Variants in SPON1 observed in about 807,000 individuals in gnomAD.
SPON1 encodes spondin 1.
A neutral mutation model predicts 111.7 loss-of-function variants in SPON1; 52 were observed. The observed-to-expected ratio is 0.47, with a 90% CI of 0.37 to 0.59. The LOEUF (loss-of-function observed/expected upper bound fraction) is 0.59. Among genes scored for constraint, SPON1 ranks in the 20% least tolerant of loss-of-function variants. The probability of loss-of-function intolerance (pLI) is 0.00; values close to 1 mark genes in which losing one functional copy is unlikely to be tolerated. For missense variants in SPON1, 957 were observed against 1,068.5 expected (o/e 0.90, Z 1.46); for synonymous variants, 410 against 395.8 (o/e 1.04, Z -0.43).
chr11:14,068,548 G>C (rs1471886320), intron 3 of SPON1, among the ~76,000 whole-genome samples: 1 of 152,172 alleles, frequency 6.6e-6, no homozygotes, highest in African/African-American at 2.4e-5. Context: ...AGAGAACGTT[G>C]TTTCCAAGGG....
At chr11:14,001,927 C>G (rs1220724615) in intron 2 of SPON1, among the ~76,000 whole-genome samples, 1 of 152,030 alleles carries the variant, frequency 6.6e-6, no homozygotes, top group Non-Finnish European at 1.5e-5. Flanking sequence ...ACTAAGTGAT[C>G]AATAAATGGT....
Position 14,259,199 on chromosome 11 carries a change from T to C in SPON1, c.1493-81T>C, listed in dbSNP as rs571188172. ...CTGCCTGACTCCTCTTGATTCCCGC[T>C]GGCGGGAAGTTCCCACCGCGCAGCC... On this transcript the variant is annotated intron_variant, in intron 11 of 15. Transcript: ENST00000576479. The surrounding 1 kb of genome is among the most constrained non-coding windows in gnomAD (Gnocchi z 5.0). 1 of 1,436,682 alleles carries C rather than the reference T, an allele frequency of 7.0e-7. No individual in the cohort carries two copies. Among genetic ancestry groups the C allele is most frequent in the Non-Finnish European group, 9.3e-7 (1 of 1,076,326 alleles). 89.0% of individuals were successfully genotyped at this position (1,436,682 alleles called of 1,614,324 possible). A position where few individuals can be genotyped will look rare whatever the true frequency, so the allele number is the denominator to read the frequency against.
chr11:14,053,386 G>A (rs1459737818), intron 3 of SPON1, among the ~76,000 whole-genome samples: 3 of 151,998 alleles, frequency 2.0e-5, no homozygotes. Flanking sequence ...TCATATAAAT[G>A]GAAGCATACA....
At chr11:13,988,888 G>A (rs756938738) in intron 2 of SPON1, among the ~76,000 whole-genome samples, 72 of 152,162 alleles carry the variant, frequency 4.7e-4, no homozygotes, top group Non-Finnish European at 8.8e-4. Context: ...TTGCATCCCA[G>A]GGATGAAGCT....
chr11:14,028,398 A>G (rs1412046190), intron 2 of SPON1, among the ~76,000 whole-genome samples: 3 of 152,054 alleles, frequency 2.0e-5, no homozygotes, highest in Non-Finnish European at 4.4e-5. Context: ...GCTTGAGTCC[A>G]GGAGTTCAAG....
At chr11:14,078,834 C>T (rs2618510) in intron 4 of SPON1, among the ~76,000 whole-genome samples, 103,845 of 151,992 alleles carry the variant, frequency 0.68, 36,523 homozygotes, top group East Asian at 0.85. Context: ...CTTTCATCTC[C>T]ACCCTAGAAC....
intron 6 of SPON1, among the ~76,000 whole-genome samples, chr11:14,197,626 A>T (rs1158508428): frequency 2.7e-5 from 4 of 149,336 alleles, no homozygotes; most frequent in African/African-American, 9.8e-5. Flanking sequence ...AATGCAGTGG[A>T]ACCGCACCTC....
chr11:14,101,950 A>C (rs1849147141), intron 5 of SPON1, among the ~76,000 whole-genome samples: 1 of 152,198 alleles, frequency 6.6e-6, no homozygotes, highest in African/African-American at 2.4e-5. Context: ...TTAACATTTT[A>C]CCACATTTCC....
intron 5 of SPON1, among the ~76,000 whole-genome samples, chr11:14,116,280 C>CA (rs1472371723): frequency 6.6e-6 from 1 of 152,028 alleles, no homozygotes; most frequent in Non-Finnish European, 1.5e-5. Context: ...TGATTAGCAC[C>CA]TTTTTTGCTC....
chr11:14,030,328 T>C lies in SPON1; in HGVS notation c.346-11193T>C, dbSNP rs1186998257. 3.3e-5 allele frequency among the ~76,000 whole-genome samples: 5 copies of C among 152,234 alleles called. No homozygotes were observed. The South Asian group carries it at 8.3e-4, about 25-fold the overall frequency. ...TGGCCTGCTGTCTGTGCTCCTAATATGTGAAACAACTCACATAGCATGGAG... is the reference window on the plus strand; with the variant it reads ...TGGCCTGCTGTCTGTGCTCCTAATACGTGAAACAACTCACATAGCATGGAG... On this transcript the variant is annotated intron_variant, in intron 2 of 15. Transcript: ENST00000576479.
intron 2 of SPON1, among the ~76,000 whole-genome samples, chr11:14,000,905 T>G (rs1317893689): frequency 1.3e-5 from 2 of 152,188 alleles, no homozygotes; most frequent in African/African-American, 4.8e-5. Context: ...CTTGCTGAGT[T>G]TGTTTCCTTG....
At chr11:14,155,440 A>G (rs1425797054) in intron 6 of SPON1, among the ~76,000 whole-genome samples, 1 of 152,170 alleles carries the variant, frequency 6.6e-6, no homozygotes, top group Non-Finnish European at 1.5e-5. Flanking sequence ...CATGTCCTAC[A>G]TGGCTGGAGC....
At chr11:14,221,837 A>G (rs1352003354) in intron 6 of SPON1, among the ~76,000 whole-genome samples, 1 of 152,142 alleles carries the variant, frequency 6.6e-6, no homozygotes, top group Non-Finnish European at 1.5e-5. Context: ...TCTCATTAGA[A>G]CCGTGATCCT....
chr11:14,074,113 G>A (rs1554921170), intron 3 of SPON1, among the ~76,000 whole-genome samples: 1 of 152,174 alleles, frequency 6.6e-6, no homozygotes, highest in East Asian at 1.9e-4. Flanking sequence ...CTTGGCCTGA[G>A]GAAACTTTCT....
At chr11:14,126,549 C>T (rs1031128836) in intron 5 of SPON1, among the ~76,000 whole-genome samples, 5 of 152,168 alleles carry the variant, frequency 3.3e-5, no homozygotes, top group Non-Finnish European at 5.9e-5. Flanking sequence ...AGCTTCCCCC[C>T]ACCTCTGGGC....
At chr11:14,162,405 C>G (rs1421894210) in intron 6 of SPON1, among the ~76,000 whole-genome samples, 1 of 152,058 alleles carries the variant, frequency 6.6e-6, no homozygotes, top group Non-Finnish European at 1.5e-5. Flanking sequence ...ATGGATATGT[C>G]AAATAGTTTA....
chr11:14,135,647 T>G lies in SPON1; in HGVS notation c.825+79T>G, dbSNP rs916952435. The stretch of plus-strand genomic sequence containing the variant: ...TCCTTAGATATCTTTCCCAGGGGCT[T>G]GAAATTTGCAGTACAATGTGGTGGA... On this transcript the variant is annotated intron_variant, in intron 6 of 15. Transcript: ENST00000576479. The surrounding 1 kb of genome is among the most constrained non-coding windows in gnomAD (Gnocchi z 4.4). 96 of 1,447,644 alleles carry G rather than the reference T, an allele frequency of 6.6e-5. No homozygotes were observed. The highest frequency in any genetic ancestry group is 1.8e-4 in the Middle Eastern group (1 of 5,628). 89.7% of individuals were successfully genotyped at this position (1,447,644 alleles called of 1,614,324 possible).
intron 2 of SPON1, among the ~76,000 whole-genome samples, chr11:13,988,435 A>G (rs1442224713): frequency 6.6e-6 from 1 of 152,210 alleles, no homozygotes; most frequent in African/African-American, 2.4e-5. Context: ...GTTGCTTATC[A>G]GCTTAAGGAG....
At chr11:14,023,862 C>T (rs1401790296) in intron 2 of SPON1, among the ~76,000 whole-genome samples, 5 of 151,946 alleles carry the variant, frequency 3.3e-5, no homozygotes, top group East Asian at 1.9e-4. Flanking sequence ...ATTAGCTGGG[C>T]GTAGTGGTGG....
Sources: gnomAD v4.1 joint callset for allele counts (sites outside exome capture counted in the v4.1 genomes callset) on GRCh38, gnomAD v4.1.1 for gene constraint, Gnocchi (gnomAD v3.1) non-coding constraint, MANE v1.5 for transcripts, NCBI Gene and HGNC (gene_info 2026-07-23, HGNC 2026-07-21) for gene names.